SPIN2A: variants seen among roughly 807,000 people sequenced by gnomAD.
SPIN2A encodes the protein spindlin family member 2A.
In SPIN2A, 4 loss-of-function variants were observed where a neutral mutation model predicts 9.2. The ratio of observed to expected loss-of-function variants is 0.44; its 90% CI spans 0.21 to 1.00. The LOEUF (loss-of-function observed/expected upper bound fraction) is 1.00, where lower values mean the gene tolerates loss of function less well. SPIN2A is among the 50% of genes least tolerant of loss of function. The probability of loss-of-function intolerance (pLI) is 0.26; values close to 1 mark genes in which losing one functional copy is unlikely to be tolerated. For missense variants in SPIN2A, 77 were observed against 172.8 expected (o/e 0.45, Z 3.11); for synonymous variants, 25 against 61.2 (o/e 0.41, Z 2.76).
chrX:57,137,807 A>G (rs1219711717), upstream of SPIN2A, among the ~76,000 whole-genome samples: 2 of 111,843 alleles, frequency 1.8e-5, no homozygotes, highest in Non-Finnish European at 3.8e-5. Context: ...ACATAGAAAT[A>G]CCATGTGTAT....
At chrX:57,139,532 C>T (rs188761505), upstream of SPIN2A, among the ~76,000 whole-genome samples, 33 of 111,343 alleles carry the variant, frequency 3.0e-4, 1 homozygote, top group East Asian at 8.8e-3. Flanking sequence ...TGGCTCACTG[C>T]GAGCTCCTTC....
chrX:57,137,078 C>T (rs1464042011), intron 1 of SPIN2A, 182 bp downstream of exon 1: 3 of 790,983 alleles, frequency 3.8e-6, no homozygotes, highest in Non-Finnish European at 4.6e-6. Context: ...CCTATTCCTA[C>T]CCCCTTTCCC....
chrX:57,145,433 G>A, the SPIN2A span, among the ~76,000 whole-genome samples: 1 of 111,437 alleles, frequency 9.0e-6, no homozygotes, highest in Admixed American at 9.6e-5. Context: ...ATTTGTTTGA[G>A]TTCCCAGGAG....
upstream of SPIN2A, among the ~76,000 whole-genome samples, chrX:57,138,342 A>C (rs574776015): frequency 9.0e-5 from 10 of 111,369 alleles, 1 homozygote; most frequent in South Asian, 3.8e-3. Context: ...GTGTACAATA[A>C]AAACAATATG....
At chrX:57,143,683 G>T in the SPIN2A span, among the ~76,000 whole-genome samples, 9 of 110,736 alleles carry the variant, frequency 8.1e-5, no homozygotes, top group South Asian at 1.6e-3. Context: ...TCTCCATGTT[G>T]CCTGGGCTGG....
the SPIN2A span, among the ~76,000 whole-genome samples, chrX:57,144,103 T>G: frequency 3.6e-5 from 4 of 112,157 alleles, no homozygotes; most frequent in South Asian, 1.5e-3. Flanking sequence ...AGCTTTCAGT[T>G]TTTTCCTTCT....
Position 57,136,001 on chromosome X carries a change from C to G in SPIN2A, c.597G>C (p.Glu199Asp), listed in dbSNP as rs756952319. Residue 199 changes from glutamate (E) to aspartate (D), a missense_variant, in exon 2 of 2, where the codon GAG becomes GAC. Physicochemically the swap from Glu to Asp is conservative, Grantham distance 45. This residue lies in a region of SPIN2A where 36 missense variants were observed against 47.6 expected (regional missense o/e 0.76). Coordinates refer to ENST00000374906, the MANE Select transcript of SPIN2A (RefSeq NM_019003.5). ...MPESSESPPT[E>D]REPGGVVDGL... ...CATCTACAACTCCTCCTGGCTCCCT[C>G]TCTGTTGGAGGAGACTCACTGGATT... 3.0e-5 allele frequency: 36 copies of G among 1,204,052 alleles called. No individual in the cohort carries two copies. The East Asian group carries it at 1.1e-3, about 36-fold the overall frequency.
the SPIN2A span, among the ~76,000 whole-genome samples, chrX:57,142,585 T>G: frequency 8.9e-6 from 1 of 112,015 alleles, no homozygotes; most frequent in East Asian, 2.8e-4. Context: ...TCTGCTCCTT[T>G]TGGGTGAAAT....
upstream of SPIN2A, among the ~76,000 whole-genome samples, chrX:57,138,476 G>C (rs541916024): frequency 1.0e-4 from 11 of 110,215 alleles, no homozygotes; most frequent in South Asian, 3.8e-3. Context: ...GGACAGTTAA[G>C]TTGATTCCAT....
upstream of SPIN2A, among the ~76,000 whole-genome samples, chrX:57,140,004 T>C (rs781451910): frequency 1.1e-4 from 12 of 112,213 alleles, no homozygotes; most frequent in African/African-American, 3.9e-4. Flanking sequence ...CATGGATACT[T>C]TTCTATTTTT....
chrX:57,146,098 T>C, the SPIN2A span, among the ~76,000 whole-genome samples: 1 of 110,195 alleles, frequency 9.1e-6, no homozygotes, highest in Non-Finnish European at 1.9e-5. Flanking sequence ...TCTAGTTCTG[T>C]GAAGAATGAT....
At chrX:57,139,745 C>T (rs1400145196), upstream of SPIN2A, among the ~76,000 whole-genome samples, 5 of 111,778 alleles carry the variant, frequency 4.5e-5, no homozygotes, top group African/African-American at 9.8e-5. Context: ...TGAGCCACCA[C>T]GCCTGTCCCC....
In SPIN2A at chrX:57,135,943, C is replaced by G. The variant is rs868015251; in HGVS notation, c.655G>C (p.Glu219Gln). ...LIGKHVEYTK[E>Q]DGSKRIGMVI... ...ATGCCGATCCTTTTGGAGCCATCTT[C>G]TTTGGTATATTCCACATGCTTACCT... is the stretch of plus-strand genomic sequence containing the variant. Residue 219 changes from glutamate to glutamine, a missense_variant, in exon 2 of 2, where the codon GAA (glutamate) becomes CAA (glutamine). Glu to Gln is a conservative substitution (Grantham distance 29). Coordinates refer to ENST00000374906, the MANE Select transcript of SPIN2A (RefSeq NM_019003.5). 18 of 1,207,545 alleles carry G rather than the reference C, an allele frequency of 1.5e-5. No homozygotes were observed. Among genetic ancestry groups the G allele is most frequent in the Admixed American group, 2.2e-5 (1 of 45,551 alleles).
chrX:57,140,487 C>G (rs759585002), upstream of SPIN2A, among the ~76,000 whole-genome samples: 14 of 103,523 alleles, frequency 1.4e-4, no homozygotes, highest in South Asian at 6.2e-3. Context: ...CCCAGCTACT[C>G]AGGAGGCTGA....
the SPIN2A span, among the ~76,000 whole-genome samples, chrX:57,146,243 CA>C: frequency 9.0e-6 from 1 of 110,657 alleles, no homozygotes; most frequent in African/African-American, 3.3e-5. Flanking sequence ...TGACTTTTTT[CA>C]GCAGTGTTTT....
chrX:57,138,547 T>C (rs938754166), upstream of SPIN2A, among the ~76,000 whole-genome samples: 1 of 111,370 alleles, frequency 9.0e-6, no homozygotes, highest in East Asian at 2.8e-4. Flanking sequence ...CTCGTTGATA[T>C]GCTGATTTCC....
rs1303365628 is a variant in SPIN2A at position 57,135,863 on chromosome X, A to G, written c.735T>C (p.Asp245=). 1 of 1,208,566 alleles carries G rather than the reference A, an allele frequency of 8.3e-7. No individual in the cohort carries two copies. Among genetic ancestry groups the G allele is most frequent in the African/African-American group, 1.8e-5 (1 of 57,062 alleles). The change falls in exon 2 of 2, where the codon GAT becomes GAC. Residue 245 remains aspartate (D), a synonymous_variant. Coordinates refer to ENST00000374906, the MANE Select transcript of SPIN2A (RefSeq NM_019003.5). ...KPSVYFIKFD[D]DFHIYVYDLV... Reference sequence around the variant, plus strand: ...AATCGTAGACATAGATATGGAAATCATCATCAAACTTGATGAAATACACAG... The same window carrying G: ...AATCGTAGACATAGATATGGAAATCGTCATCAAACTTGATGAAATACACAG...
At chrX:57,135,578 C>T (rs73626257), downstream of SPIN2A, 12 of 545,633 alleles carry the variant, frequency 2.2e-5, no homozygotes, top group South Asian at 6.9e-5. Flanking sequence ...GACAGCTGTT[C>T]GTTCCTTCCA....
chrX:57,135,873 T>C lies in SPIN2A; in HGVS notation c.725A>G (p.Lys242Arg). Reference sequence around the variant, plus strand: ...ATAGATATGGAAATCATCATCAAACTTGATGAAATACACAGAGGGTTTGGT... The same window carrying C: ...ATAGATATGGAAATCATCATCAAACCTGATGAAATACACAGAGGGTTTGGT... Reference protein sequence around the residue: ...VETKPSVYFIKFDDDFHIYVY... With the variant: ...VETKPSVYFIRFDDDFHIYVY... The change falls in exon 2 of 2, where the codon AAG (lysine) becomes AGG (arginine). Residue 242 changes from lysine to arginine, a missense_variant. Around this residue, in one of 4 missense-constraint regions of SPIN2A, gnomAD observed 36 missense variants for 47.6 expected, o/e 0.76. Transcript: ENST00000374906. 8.3e-7 allele frequency: 1 copy of C among 1,210,329 alleles called. No homozygotes were observed. Among genetic ancestry groups the C allele is most frequent in the East Asian group, 3.0e-5 (1 of 33,832 alleles).
Sources: gnomAD v4.1 joint callset for allele counts (sites outside exome capture counted in the v4.1 genomes callset) on GRCh38, gnomAD v4.1.1 for gene constraint, gnomAD v4.1.1 regional missense constraint, MANE v1.5 for transcripts, NCBI Gene and HGNC (gene_info 2026-07-23, HGNC 2026-07-21) for gene names.